KCNAB1: variants seen among roughly 807,000 people sequenced by gnomAD.
KCNAB1 encodes potassium voltage-gated channel subfamily A regulatory beta subunit 1, also known as voltage-gated potassium channel subunit beta-1.
KCNAB1 carries 35 observed loss-of-function variants against 64.6 expected under a neutral mutation model. That is an observed-to-expected ratio of 0.54 (90% CI 0.41 to 0.72). The LOEUF is 0.72. Among genes scored for constraint, KCNAB1 ranks in the 30% least tolerant of loss-of-function variants. The probability of loss-of-function intolerance (pLI) is 0.00; values close to 1 mark genes in which losing one functional copy is unlikely to be tolerated. For synonymous variants in KCNAB1, 177 were observed against 183.8 expected, an observed-to-expected ratio of 0.96 and a Z score of 0.30; for missense variants, 401 against 512.9, an observed-to-expected ratio of 0.78 and a Z score of 2.11.
intron 1 of KCNAB1, among the ~76,000 whole-genome samples, chr3:156,362,086 T>A (rs929141323): frequency 1.3e-5 from 2 of 152,246 alleles, no homozygotes; most frequent in African/African-American, 4.8e-5. Flanking sequence ...AGAGCTTATA[T>A]CTGTATCTAT....
At chr3:156,299,791 T>G (rs1432793009) in intron 1 of KCNAB1, among the ~76,000 whole-genome samples, 1 of 152,124 alleles carries the variant, frequency 6.6e-6, no homozygotes, top group Non-Finnish European at 1.5e-5. Context: ...CTAGCCCTCA[T>G]GAGAAATCTG....
chr3:156,391,138 T>C (rs755526808), intron 1 of KCNAB1, among the ~76,000 whole-genome samples: 1 of 152,188 alleles, frequency 6.6e-6, no homozygotes, highest in Admixed American at 6.5e-5. Context: ...TCCCTGAAGG[T>C]CAACAATGTA....
intron 1 of KCNAB1, among the ~76,000 whole-genome samples, chr3:156,342,615 T>A: frequency 6.8e-6 from 1 of 147,506 alleles, no homozygotes; most frequent in Non-Finnish European, 1.5e-5. Context: ...TTTAATTTTT[T>A]TTTTTTTTAT....
At chr3:156,224,291 T>G (rs1484237525) in intron 1 of KCNAB1, among the ~76,000 whole-genome samples, 2 of 152,224 alleles carry the variant, frequency 1.3e-5, no homozygotes, top group Non-Finnish European at 2.9e-5. Context: ...AGCCCCGGTT[T>G]CCACCCGTGC....
chr3:156,387,030 T>C (rs1712665366), intron 1 of KCNAB1, among the ~76,000 whole-genome samples: 1 of 149,520 alleles, frequency 6.7e-6, no homozygotes, highest in Admixed American at 6.6e-5. Flanking sequence ...TTTTTTTTTT[T>C]TTTTGCCTGT....
chr3:156,260,529 CTT>C (rs1324654982), intron 1 of KCNAB1, among the ~76,000 whole-genome samples: 1 of 152,068 alleles, frequency 6.6e-6, no homozygotes, highest in Non-Finnish European at 1.5e-5. Context: ...AATATATAGT[CTT>C]TTTTTGTCTA....
intron 2 of KCNAB1, among the ~76,000 whole-genome samples, chr3:156,427,748 C>CGTT (rs1255768551): frequency 6.6e-6 from 1 of 152,088 alleles, no homozygotes; most frequent in Non-Finnish European, 1.5e-5. Context: ...CCTAAAAGAG[C>CGTT]GTTGGAGACC....
At chr3:156,210,426 T>A (rs1714941104) in intron 1 of KCNAB1, among the ~76,000 whole-genome samples, 1 of 152,220 alleles carries the variant, frequency 6.6e-6, no homozygotes, top group Non-Finnish European at 1.5e-5. Context: ...CTATGCATTC[T>A]GTTTATGCTT....
At chr3:156,529,056 C>A (rs1269663960) in intron 12 of KCNAB1, among the ~76,000 whole-genome samples, 1 of 152,094 alleles carries the variant, frequency 6.6e-6, no homozygotes, top group Non-Finnish European at 1.5e-5. Context: ...GCAGCAGTGA[C>A]TGAGGAGGAG....
chr3:156,388,351 A>T (rs2108162993), intron 1 of KCNAB1, among the ~76,000 whole-genome samples: 1 of 152,348 alleles, frequency 6.6e-6, no homozygotes, highest in Admixed American at 6.5e-5. Flanking sequence ...CTGAGCTGGG[A>T]CTGTGAGAGC....
intron 1 of KCNAB1, among the ~76,000 whole-genome samples, chr3:156,168,452 A>G (rs1358362841): frequency 6.6e-6 from 1 of 152,212 alleles, no homozygotes; most frequent in Admixed American, 6.5e-5. Context: ...AAATGTGAAA[A>G]TATAAAAAAT....
intron 8 of KCNAB1, among the ~76,000 whole-genome samples, chr3:156,498,502 G>A (rs1452441473): frequency 6.6e-6 from 1 of 152,126 alleles, no homozygotes; most frequent in East Asian, 1.9e-4. Flanking sequence ...TTTGCCTGTT[G>A]CCATCCATGT....
chr3:156,458,547 C>T (rs1157139159), intron 4 of KCNAB1, among the ~76,000 whole-genome samples: 1 of 152,154 alleles, frequency 6.6e-6, no homozygotes, highest in Non-Finnish European at 1.5e-5. Context: ...GTGCATTTTC[C>T]TTGCATGAGT....
intron 1 of KCNAB1, among the ~76,000 whole-genome samples, chr3:156,260,697 G>T (rs1718379307): frequency 6.6e-6 from 1 of 152,030 alleles, no homozygotes; most frequent in South Asian, 2.1e-4. Context: ...TCCTGGTTTG[G>T]TTATTATAAA....
chr3:156,489,839 C>G (rs7611810), intron 8 of KCNAB1, among the ~76,000 whole-genome samples: 19,345 of 151,984 alleles, frequency 0.13, 2,605 homozygotes, highest in African/African-American at 0.35. Flanking sequence ...TGAGTAACAA[C>G]TTAACATGTA....
At position 156,488,295 on chromosome 3, in the gene KCNAB1, T is replaced by TAA. The variant is rs63550661; in HGVS notation, c.658+13488_658+13489dup. ...GAATATTAGATGTTGATGGGTGCTATAAAAAAAAAAAAAAGAAAAACTAAA... is the reference window on the plus strand; with the variant it reads ...GAATATTAGATGTTGATGGGTGCTATAAAAAAAAAAAAAAAAGAAAAACTAAA... On this transcript the variant is annotated intron_variant, in intron 8 of 13. Transcript: ENST00000490337. Among the ~76,000 whole-genome samples the TAA allele has an allele frequency of 2.3e-3, 322 of 140,874 alleles. 1 individual carries two copies. The highest frequency in any genetic ancestry group is 4.9e-3 in the East Asian group (24 of 4,852). 92.4% of individuals were successfully genotyped at this position (140,874 alleles called of 152,430 possible).
intron 7 of KCNAB1, among the ~76,000 whole-genome samples, chr3:156,473,958 T>C (rs1014555141): frequency 1.4e-4 from 21 of 152,186 alleles, no homozygotes; most frequent in African/African-American, 4.8e-4. Context: ...TTTACTAAAA[T>C]TAATTTTTTT....
chr3:156,455,416 A>G (rs981015127), intron 3 of KCNAB1, among the ~76,000 whole-genome samples: 2 of 152,232 alleles, frequency 1.3e-5, no homozygotes, highest in Non-Finnish European at 1.5e-5. Context: ...AAGGATACAA[A>G]CACCAAACTC....
At chr3:156,361,766 C>A (rs1271171109) in intron 1 of KCNAB1, among the ~76,000 whole-genome samples, 2 of 152,116 alleles carry the variant, frequency 1.3e-5, no homozygotes, top group Non-Finnish European at 2.9e-5. Flanking sequence ...TCAAGGGATC[C>A]TCCCACTTCA....
Sources: gnomAD v4.1 joint callset for allele counts (sites outside exome capture counted in the v4.1 genomes callset) on GRCh38, gnomAD v4.1.1 for gene constraint, MANE v1.5 for transcripts, NCBI Gene and HGNC (gene_info 2026-07-23, HGNC 2026-07-21) for gene names.